The following DNM3 variants were observed in gnomAD, a reference collection of about 807,000 sequenced individuals.
DNM3 encodes dynamin 3, also known as dynamin-3.
In DNM3, 47 loss-of-function variants were observed where a neutral mutation model predicts 101.6. The observed-to-expected ratio is 0.46, with a 90% CI of 0.37 to 0.59. The LOEUF is 0.59. Among genes scored for constraint, DNM3 ranks in the 20% least tolerant of loss-of-function variants. The probability of loss-of-function intolerance (pLI) is 0.00; values close to 1 mark genes in which losing one functional copy is unlikely to be tolerated. For missense variants in DNM3, 849 were observed against 1,085.7 expected (o/e 0.78, Z 3.06); for synonymous variants, 385 against 387.9 (o/e 0.99, Z 0.09).
chr1:172,069,608 G>T (rs1334226519), intron 11 of DNM3, among the ~76,000 whole-genome samples: 2 of 152,142 alleles, frequency 1.3e-5, no homozygotes, highest in Non-Finnish European at 2.9e-5. Context: ...ATTTTTCTTA[G>T]TTACTTATAA....
intron 19 of DNM3, 147 bp downstream of exon 19, chr1:172,387,506 A>G: frequency 1.5e-6 from 1 of 689,148 alleles, no homozygotes; most frequent in Non-Finnish European, 2.4e-6. Context: ...AAACATAAAA[A>G]AAATTAGCCG....
chr1:172,378,931 A>G, intron 17 of DNM3, 87 bp from the exon 18 acceptor site: 1 of 1,400,148 alleles, frequency 7.1e-7, no homozygotes, highest in South Asian at 1.5e-5. Context: ...TATGCTAATC[A>G]GAAGTTGATA....
intron 2 of DNM3, among the ~76,000 whole-genome samples, chr1:171,955,452 C>T (rs539555912): frequency 4.2e-3 from 643 of 152,182 alleles, no homozygotes; most frequent in Non-Finnish European, 7.2e-3. Flanking sequence ...ATAAGGGCAT[C>T]AGAGAGGAAT....
chr1:172,004,408 A>T (rs914709460), intron 4 of DNM3, among the ~76,000 whole-genome samples: 6 of 152,040 alleles, frequency 3.9e-5, no homozygotes, highest in Non-Finnish European at 1.5e-5. Context: ...CAAGGAACTC[A>T]ATAGCCAGCG....
At chr1:172,219,878 G>C (rs141091719) in intron 14 of DNM3, among the ~76,000 whole-genome samples, 1,741 of 152,102 alleles carry the variant, frequency 0.011, 38 homozygotes, top group African/African-American at 0.039. Flanking sequence ...TTACATAGGA[G>C]ATTTATATCT....
intron 16 of DNM3, chr1:172,310,393 C>A (rs896434602): frequency 6.6e-6 from 1 of 152,174 alleles, no homozygotes; most frequent in Admixed American, 6.5e-5. Context: ...AAGTCCTGCC[C>A]CCACTGGAGC....
At chr1:172,376,105 T>C (rs2068587793) in intron 17 of DNM3, 1 of 152,132 alleles carries the variant, frequency 6.6e-6, no homozygotes, top group African/African-American at 2.4e-5. Context: ...AAGTAAGTTA[T>C]GGTAATTTTT....
At chr1:172,228,828 G>T (rs1261252496) in intron 14 of DNM3, among the ~76,000 whole-genome samples, 1 of 152,016 alleles carries the variant, frequency 6.6e-6, no homozygotes, top group Non-Finnish European at 1.5e-5. Flanking sequence ...TTTTTTAGTA[G>T]ATACCCTACG....
Position 171,933,850 on chromosome 1 carries a change from C to T in DNM3, c.235+12029C>T, listed in dbSNP as rs551427069. 3.9e-5 allele frequency among the ~76,000 whole-genome samples: 6 copies of T among 152,252 alleles called. 1 individual carries two copies. Among genetic ancestry groups the T allele is most frequent in the East Asian group, 1.9e-4 (1 of 5,186 alleles). The stretch of plus-strand genomic sequence containing the variant: ...TTTACACACAAGGAGGATGGGAGGA[C>T]GCCTCCTCTATTGCAACCAAATGGA... On this transcript the variant is annotated intron_variant, in intron 2 of 20. Coordinates refer to ENST00000627582, the MANE Select transcript of DNM3 (RefSeq NM_015569.5).
Position 172,371,080 on chromosome 1 carries a change from A to G in DNM3, c.1894-7938A>G, listed in dbSNP as rs13374520. On this transcript the variant is annotated intron_variant, in intron 17 of 20. Coordinates refer to ENST00000627582, the MANE Select transcript of DNM3 (RefSeq NM_015569.5). ...CTTTTAGCCCACTTTCTCATTCATTAATGCTCTATTCTTTTTCTAGCATGT... is the reference window on the plus strand; with the variant it reads ...CTTTTAGCCCACTTTCTCATTCATTGATGCTCTATTCTTTTTCTAGCATGT... Among the ~76,000 whole-genome samples the G allele has an allele frequency of 2.2e-3, 328 of 152,130 alleles. 1 individual carries two copies. The highest frequency in any genetic ancestry group is 7.3e-3 in the African/African-American group (303 of 41,536).
intron 1 of DNM3, among the ~76,000 whole-genome samples, chr1:171,898,697 T>C (rs962253909): frequency 3.8e-5 from 3 of 78,982 alleles, no homozygotes; most frequent in African/African-American, 1.4e-4. Flanking sequence ...TATATACATA[T>C]ATATATATAG....
intron 1 of DNM3, among the ~76,000 whole-genome samples, chr1:171,860,369 A>C (rs2034048893): frequency 6.6e-6 from 1 of 152,202 alleles, no homozygotes; most frequent in Non-Finnish European, 1.5e-5. Flanking sequence ...GATGTGCTCT[A>C]AGTGTAAAAT....
At chr1:172,378,623 T>A (rs2068735757) in intron 17 of DNM3, among the ~76,000 whole-genome samples, 1 of 152,082 alleles carries the variant, frequency 6.6e-6, no homozygotes, top group Non-Finnish European at 1.5e-5. Flanking sequence ...ATTTCTAATC[T>A]ATAGCTTCCC....
At chr1:172,082,534 A>G (rs1241936586) in intron 12 of DNM3, among the ~76,000 whole-genome samples, 1 of 152,174 alleles carries the variant, frequency 6.6e-6, no homozygotes, top group Non-Finnish European at 1.5e-5. Flanking sequence ...TAGTGAAACC[A>G]GTTTTTGATT....
chr1:172,209,654 C>T (rs1426168081), intron 14 of DNM3, among the ~76,000 whole-genome samples: 2 of 152,086 alleles, frequency 1.3e-5, no homozygotes, highest in East Asian at 3.9e-4. Context: ...GTGCTCCTAC[C>T]TTGGTCCATG....
chr1:172,006,346 T>C (rs922346040), intron 4 of DNM3, among the ~76,000 whole-genome samples: 11 of 152,070 alleles, frequency 7.2e-5, no homozygotes, highest in African/African-American at 2.7e-4. Flanking sequence ...GAAGAAGAAA[T>C]GGGGGATTGT....
At chr1:172,082,424 A>G (rs1350280763) in intron 12 of DNM3, among the ~76,000 whole-genome samples, 1 of 151,394 alleles carries the variant, frequency 6.6e-6, no homozygotes, top group Non-Finnish European at 1.5e-5. Flanking sequence ...GCCATTTTTC[A>G]TATACGTTAT....
intron 13 of DNM3, among the ~76,000 whole-genome samples, chr1:172,110,899 G>T (rs2055420877): frequency 6.6e-6 from 1 of 152,176 alleles, no homozygotes; most frequent in Admixed American, 6.5e-5. Context: ...AGCTGGACAA[G>T]GTGGCATGCG....
chr1:171,883,255 A>G (rs555380177), intron 1 of DNM3, among the ~76,000 whole-genome samples: 19 of 151,962 alleles, frequency 1.3e-4, no homozygotes, highest in Admixed American at 4.6e-4. Flanking sequence ...TCACCTGTAT[A>G]ATCCCTGATA....
Sources: gnomAD v4.1 joint callset for allele counts (sites outside exome capture counted in the v4.1 genomes callset) on GRCh38, gnomAD v4.1.1 for gene constraint, MANE v1.5 for transcripts, NCBI Gene and HGNC (gene_info 2026-07-23, HGNC 2026-07-21) for gene names.